CDC42BPA: variants seen among roughly 807,000 people sequenced by gnomAD.
CDC42BPA encodes CDC42 binding protein kinase alpha.
In CDC42BPA, 80 loss-of-function variants were observed where a neutral mutation model predicts 223.5. The observed-to-expected ratio is 0.36, with a 90% CI of 0.30 to 0.43. CDC42BPA has a LOEUF of 0.43. Ranked by LOEUF, CDC42BPA falls within the 20% of genes least tolerant of loss-of-function variation. The pLI is 1.00. For synonymous variants in CDC42BPA, 694 were observed against 718.6 expected (o/e 0.97, Z 0.55); for missense variants, 1,743 against 2,099.9 (o/e 0.83, Z 3.32).
chr1:227,292,709 AATT>A (rs1485012785), intron 1 of CDC42BPA, among the ~76,000 whole-genome samples: 4 of 152,192 alleles, frequency 2.6e-5, no homozygotes, highest in African/African-American at 4.8e-5. Context: ...ATTTTAATTG[AATT>A]ATTATTATGA....
At position 226,994,206 on chromosome 1, in the gene CDC42BPA, T is replaced by C. The variant is rs1349021553; in HGVS notation, c.*62A>G. The C allele has an allele frequency of 6.6e-7, 1 of 1,508,054 alleles. No homozygotes were observed. Among genetic ancestry groups the C allele is most frequent in the East Asian group, 2.5e-5 (1 of 39,810 alleles). The allele number at this position is 1,508,054 out of a possible 1,614,324, so 93.4% of individuals were successfully genotyped here. Reference sequence around the variant, plus strand: ...GAGCAGGCGAGGTGGAGGGAAGAGATGAAAGTGAGAGGAGGCGAGTGGCAG... The same window carrying C: ...GAGCAGGCGAGGTGGAGGGAAGAGACGAAAGTGAGAGGAGGCGAGTGGCAG... On this transcript the variant is annotated 3_prime_UTR_variant, in exon 37 of 37. Coordinates refer to ENST00000366766, the MANE Select transcript of CDC42BPA (RefSeq NM_001394014.1). This position sits in a 1 kb window ranked among gnomAD's most constrained non-coding sequence, Gnocchi z 4.0.
intron 2 of CDC42BPA, among the ~76,000 whole-genome samples, chr1:227,239,300 A>G (rs1254921568): frequency 6.6e-6 from 1 of 152,154 alleles, no homozygotes; most frequent in Non-Finnish European, 1.5e-5. Flanking sequence ...AGCACAGAAG[A>G]TTTCTAGGGC....
intron 23 of CDC42BPA, among the ~76,000 whole-genome samples, chr1:227,043,501 C>T (rs999013026): frequency 1.3e-5 from 2 of 151,542 alleles, no homozygotes; most frequent in African/African-American, 4.8e-5. Flanking sequence ...TATAGATTCA[C>T]TTCTCTATCT....
chr1:227,229,035 A>G (rs1174258236), intron 2 of CDC42BPA, among the ~76,000 whole-genome samples: 6 of 151,798 alleles, frequency 4.0e-5, no homozygotes, highest in Non-Finnish European at 8.8e-5. Flanking sequence ...ATGAAATCTT[A>G]TTTTTTGTTT....
intron 1 of CDC42BPA, among the ~76,000 whole-genome samples, chr1:227,283,609 C>T (rs925441614): frequency 3.9e-5 from 6 of 151,932 alleles, no homozygotes; most frequent in African/African-American, 1.2e-4. Flanking sequence ...GAAAAAAACT[C>T]GAGACTCCAA....
chr1:227,011,013 A>T (rs757267927), intron 34 of CDC42BPA: 7 of 1,360,422 alleles, frequency 5.1e-6, no homozygotes, highest in Non-Finnish European at 6.9e-6. Flanking sequence ...AGTTGATCGG[A>T]GAGGAGATCA....
chr1:227,195,067 T>C (rs1451556211), intron 4 of CDC42BPA, among the ~76,000 whole-genome samples: 3 of 151,262 alleles, frequency 2.0e-5, no homozygotes, highest in East Asian at 1.9e-4. Context: ...ATTACAAACA[T>C]AGGAAATGTG....
chr1:227,034,219 C>G (rs1343316929), intron 26 of CDC42BPA, among the ~76,000 whole-genome samples: 2 of 152,320 alleles, frequency 1.3e-5, no homozygotes, highest in East Asian at 1.9e-4. Flanking sequence ...CTAAGGAACA[C>G]AGGAAGAATC....
intron 29 of CDC42BPA, among the ~76,000 whole-genome samples, chr1:227,029,497 A>T (rs1237320426): frequency 6.6e-6 from 1 of 152,226 alleles, no homozygotes; most frequent in African/African-American, 2.4e-5. Context: ...GTGTAAAAGT[A>T]TGCCAAATCT....
At chr1:226,998,816 G>C (rs1324507278) in intron 35 of CDC42BPA, among the ~76,000 whole-genome samples, 1 of 152,168 alleles carries the variant, frequency 6.6e-6, no homozygotes, top group African/African-American at 2.4e-5. Flanking sequence ...AAACTAAAGA[G>C]CTTCTGCACA....
chr1:227,125,928 A>C (rs147476890), intron 11 of CDC42BPA, among the ~76,000 whole-genome samples: 1 of 152,250 alleles, frequency 6.6e-6, no homozygotes, highest in African/African-American at 2.4e-5. Flanking sequence ...ATTTTATAAT[A>C]ATTTTATGTT....
chr1:227,258,399 TTGAC>T, intron 1 of CDC42BPA, among the ~76,000 whole-genome samples: 1 of 150,952 alleles, frequency 6.6e-6, no homozygotes, highest in Non-Finnish European at 1.5e-5. Context: ...ATTATACCTA[TTGAC>T]TATTCTAATT....
intron 7 of CDC42BPA, among the ~76,000 whole-genome samples, chr1:227,147,004 A>C (rs1391057093): frequency 6.6e-6 from 1 of 152,116 alleles, no homozygotes; most frequent in Non-Finnish European, 1.5e-5. Context: ...CTTATTTTAA[A>C]TTTGTATTGC....
In CDC42BPA at chr1:227,314,745, T is replaced by C. The variant is rs1004870991; in HGVS notation, c.178+2260A>G. On this transcript the variant is annotated intron_variant, in intron 1 of 36. Coordinates refer to ENST00000366766, the MANE Select transcript of CDC42BPA (RefSeq NM_001394014.1). ...ATTAATACTGCGTTCCTGTTGCAAA[T>C]AGTCTTTTAAAGATTTAAATAAAAG... Among the ~76,000 whole-genome samples, 7 of 120,682 alleles carry C rather than the reference T, an allele frequency of 5.8e-5. 1 individual carries two copies. Among genetic ancestry groups the C allele is most frequent in the African/African-American group, 2.2e-4 (6 of 27,136 alleles). 79.2% of individuals were successfully genotyped at this position (120,682 alleles called of 152,430 possible).
chr1:227,202,760 CA>C (rs35609906), intron 3 of CDC42BPA, among the ~76,000 whole-genome samples: 13,156 of 114,252 alleles, frequency 0.12, 664 homozygotes, highest in Middle Eastern at 0.19. Flanking sequence ...TCTCTACAGG[CA>C]AAAAAAAAAA....
At chr1:227,049,497 A>G (rs1673109312) in intron 22 of CDC42BPA, among the ~76,000 whole-genome samples, 1 of 152,090 alleles carries the variant, frequency 6.6e-6, no homozygotes, top group Non-Finnish European at 1.5e-5. Context: ...TTCTCCTCAA[A>G]TAGATCTATA....
intron 2 of CDC42BPA, among the ~76,000 whole-genome samples, chr1:227,226,233 A>G (rs1219931885): frequency 6.6e-6 from 1 of 152,248 alleles, no homozygotes; most frequent in African/African-American, 2.4e-5. Flanking sequence ...CTGGATACAT[A>G]TACTTGGAGT....
At chr1:227,288,826 C>T (rs959447869) in intron 1 of CDC42BPA, among the ~76,000 whole-genome samples, 5 of 151,604 alleles carry the variant, frequency 3.3e-5, no homozygotes, top group African/African-American at 9.7e-5. Flanking sequence ...GAAACCCCGT[C>T]TCTACTAAAA....
intron 1 of CDC42BPA, among the ~76,000 whole-genome samples, chr1:227,268,555 T>C (rs976291696): frequency 2.0e-5 from 3 of 149,426 alleles, no homozygotes; most frequent in African/African-American, 7.4e-5. Context: ...ATATGTATAC[T>C]TTTTTCTGTA....
Sources: gnomAD v4.1 joint callset for allele counts (sites outside exome capture counted in the v4.1 genomes callset) on GRCh38, gnomAD v4.1.1 for gene constraint, Gnocchi (gnomAD v3.1) non-coding constraint, MANE v1.5 for transcripts, NCBI Gene and HGNC (gene_info 2026-07-23, HGNC 2026-07-21) for gene names.